RP1: variants seen among roughly 807,000 people sequenced by gnomAD.
RP1 encodes the protein oxygen-regulated protein 1.
A neutral mutation model predicts 14.8 loss-of-function variants in RP1; 16 were observed. That is an observed-to-expected ratio of 1.08 (90% confidence interval 0.73 to 1.65). RP1 has a LOEUF of 1.65. RP1 is among the 40% of genes most tolerant of loss of function. The pLI, the probability that RP1 is intolerant of heterozygous loss-of-function variation, is 0.00. For synonymous variants in RP1, 876 were observed against 883.6 expected, an observed-to-expected ratio of 0.99 and a Z score of 0.15; for missense variants, 2,631 against 2,535.0, an observed-to-expected ratio of 1.04 and a Z score of -0.81.
chr8:54,834,675 G>T (rs1252245764), intron 24 of RP1, among the ~76,000 whole-genome samples: 1 of 146,736 alleles, frequency 6.8e-6, no homozygotes, highest in Non-Finnish European at 1.5e-5. Context: ...TGCTTTGGGA[G>T]TTTTTTTTTT....
intron 1 of RP1, among the ~76,000 whole-genome samples, chr8:54,566,820 G>A (rs1230142895): frequency 6.6e-6 from 1 of 152,182 alleles, no homozygotes; most frequent in Non-Finnish European, 1.5e-5. Flanking sequence ...TATTCACAAA[G>A]GGCTCAAACC....
chr8:54,839,924 A>G (rs1811750509), intron 25 of RP1, among the ~76,000 whole-genome samples: 1 of 152,216 alleles, frequency 6.6e-6, no homozygotes, highest in Admixed American at 6.5e-5. Flanking sequence ...ATTTCATTTA[A>G]CACATCATAA....
chr8:54,737,102 T>A (rs1808951700), intron 18 of RP1, among the ~76,000 whole-genome samples: 1 of 152,176 alleles, frequency 6.6e-6, no homozygotes, highest in African/African-American at 2.4e-5. Context: ...TGTGGGATAT[T>A]TTATTAAACT....
Position 54,629,806 on chromosome 8 carries a change from G to C in RP1, c.5924G>C (p.Ser1975Thr), listed in dbSNP as rs968823283. 6.2e-7 allele frequency: 1 copy of C among 1,612,174 alleles called. No individual in the cohort carries two copies. The highest frequency in any genetic ancestry group is 8.5e-7 in the Non-Finnish European group (1 of 1,179,220). Residue 1975 changes from serine (S) to threonine (T), a missense_variant, in exon 4 of 4, where the codon AGT becomes ACT. Coordinates refer to ENST00000220676, the MANE Select transcript of RP1 (RefSeq NM_006269.2). Reference sequence around the variant, plus strand: ...TTCAGGGAAGAGAACAATAAAGCAAGTATGAGACAAAATCTTATTGATAAT... The same window carrying C: ...TTCAGGGAAGAGAACAATAAAGCAACTATGAGACAAAATCTTATTGATAAT... ...NVFREENNKA[S>T]MRQNLIDNAI...
rs764465585 is a variant in RP1, at chr8:54,621,507, G to A, written c.541G>A (p.Glu181Lys). Reference protein sequence around the residue: ...LLSRRVTQSFEAFLQHLTEVM... With the variant: ...LLSRRVTQSFKAFLQHLTEVM... ...GAGCAGGAGGGTCACCCAGAGCTTC[G>A]AGGCATTTCTACAGCACCTGACAGA... Residue 181 changes from glutamate to lysine, a missense_variant, in exon 2 of 4, where the codon GAG (glutamate) becomes AAG (lysine). Glu to Lys is a moderately conservative substitution (Grantham distance 56). Transcript: ENST00000220676. 6.2e-7 allele frequency: 1 copy of A among 1,614,150 alleles called. No homozygotes were observed. Among genetic ancestry groups the A allele is most frequent in the South Asian group, 1.1e-5 (1 of 91,078 alleles).
At chr8:54,832,538 A>T (rs12681720) in intron 24 of RP1, among the ~76,000 whole-genome samples, 45,153 of 151,466 alleles carry the variant, frequency 0.3, 6,998 homozygotes, top group South Asian at 0.37. Flanking sequence ...TTTCCTGTAG[A>T]TTATATGGCA....
chr8:54,728,070 T>G (rs1327226711), intron 17 of RP1, among the ~76,000 whole-genome samples: 1 of 152,058 alleles, frequency 6.6e-6, no homozygotes, highest in Non-Finnish European at 1.5e-5. Flanking sequence ...ATGATGAAGC[T>G]CCTCTAAGGC....
chr8:54,793,521 A>G (rs563442533), intron 24 of RP1, among the ~76,000 whole-genome samples: 2 of 152,016 alleles, frequency 1.3e-5, no homozygotes, highest in Non-Finnish European at 2.9e-5. Flanking sequence ...GGATGGTTCA[A>G]TATGTACAAA....
At chr8:54,741,254 C>T (rs562414303) in intron 19 of RP1, among the ~76,000 whole-genome samples, 1 of 152,184 alleles carries the variant, frequency 6.6e-6, no homozygotes, top group East Asian at 1.9e-4. Context: ...CAGTAGTGTA[C>T]AATAATGTCC....
intron 19 of RP1, among the ~76,000 whole-genome samples, chr8:54,742,999 G>A (rs1007315701): frequency 6.6e-6 from 1 of 152,186 alleles, no homozygotes; most frequent in African/African-American, 2.4e-5. Flanking sequence ...CTTCTGTGAA[G>A]AGTAAAGTGG....
downstream of RP1, among the ~76,000 whole-genome samples, chr8:54,773,306 C>T (rs535040900): frequency 7.9e-5 from 12 of 152,080 alleles, no homozygotes; most frequent in East Asian, 3.9e-4. Context: ...GTAATTTATC[C>T]GGTATCTCAT....
At chr8:54,743,794 T>G (rs1809156003) in intron 19 of RP1, among the ~76,000 whole-genome samples, 1 of 152,124 alleles carries the variant, frequency 6.6e-6, no homozygotes, top group African/African-American at 2.4e-5. Flanking sequence ...ACACCAGTAT[T>G]TACGTGAGCA....
rs368455444 is a variant in RP1 at position 54,831,401 on chromosome 8, CTT to C, written c.3616-6032_3616-6031del. On this transcript the variant is annotated intron_variant, in intron 24 of 28. Transcript: ENST00000637698. ...TCTTTTTTGGGATAACCTATTGTTT[CTT>C]TTTTTTTTTTTTTTTTAACATTCAA... Among the ~76,000 whole-genome samples the C allele has an allele frequency of 5.3e-3, 547 of 102,692 alleles. 4 individuals carry two copies. The highest frequency in any genetic ancestry group is 0.019 in the African/African-American group (500 of 26,686). 67.4% of individuals were successfully genotyped at this position (102,692 alleles called of 152,430 possible). A position where few individuals can be genotyped will look rare whatever the true frequency, so the allele number is the denominator to read the frequency against.
Position 54,806,111 on chromosome 8 carries a change from C to T in RP1, c.3615+22401C>T, listed in dbSNP as rs989622188. Among the ~76,000 whole-genome samples the T allele has an allele frequency of 4.6e-5, 7 of 152,094 alleles. No individual in the cohort carries two copies. The East Asian group carries it at 5.8e-4, about 13-fold the overall frequency. On this transcript the variant is annotated intron_variant, in intron 24 of 28. Coordinates refer to the RP1 transcript ENST00000637698. The stretch of plus-strand genomic sequence containing the variant: ...TCGGCTCACTGCAACCTTCGCCTCC[C>T]GGATTCAAGGGATGCTCCTGCCTCA...
chr8:54,718,873 T>C lies in RP1; in HGVS notation c.2212-1256T>C, dbSNP rs143306292. Among the ~76,000 whole-genome samples the C allele has an allele frequency of 9.2e-3, 1,396 of 152,238 alleles. 12 individuals carry two copies. Among genetic ancestry groups the C allele is most frequent in the Middle Eastern group, 0.037 (11 of 294 alleles). On this transcript the variant is annotated intron_variant, in intron 15 of 22. Coordinates refer to the RP1 transcript ENST00000636932. Reference sequence around the variant, plus strand: ...GGATAAATAGATGAAGCATAGGGGATCTTTAGGGCAGTACAGTTATTCTGT... The same window carrying C: ...GGATAAATAGATGAAGCATAGGGGACCTTTAGGGCAGTACAGTTATTCTGT...
At chr8:54,792,741 A>G (rs995041418) in intron 24 of RP1, among the ~76,000 whole-genome samples, 2 of 151,938 alleles carry the variant, frequency 1.3e-5, no homozygotes. Flanking sequence ...ATGAAACAAT[A>G]AAGATCTCAA....
At chr8:54,791,801 G>A (rs1275538524) in intron 24 of RP1, among the ~76,000 whole-genome samples, 1 of 151,908 alleles carries the variant, frequency 6.6e-6, no homozygotes, top group African/African-American at 2.4e-5. Flanking sequence ...AAGGAAGAAA[G>A]GAGTAAAGGA....
chr8:54,628,816 C>CT lies in RP1; in HGVS notation c.4941dup (p.Pro1648SerfsTer13), dbSNP rs765725238. ...GGTAAAGCAGATATTATCAAACCAT[C>CT]TTTTTTTCCTGGGTCTACCCGCAAA... On this transcript the variant is annotated frameshift_variant, in exon 4 of 4. Coordinates refer to ENST00000220676, the MANE Select transcript of RP1 (RefSeq NM_006269.2). LOFTEE classifies it low-confidence loss of function (END_TRUNC). 1.9e-6 allele frequency: 3 copies of CT among 1,614,096 alleles called. No homozygotes were observed. Among genetic ancestry groups the CT allele is most frequent in the Non-Finnish European group, 2.5e-6 (3 of 1,179,966 alleles).
chr8:54,854,083 G>A (rs145433020), intron 26 of RP1, among the ~76,000 whole-genome samples: 146 of 152,256 alleles, frequency 9.6e-4, no homozygotes, highest in African/African-American at 3.3e-3. Context: ...TCTTCCTGCT[G>A]TCTAATGGAT....
Sources: allele counts gnomAD v4.1 joint callset (sites outside exome capture counted in the v4.1 genomes callset), GRCh38; gene constraint gnomAD v4.1.1; transcripts MANE v1.5; gene names NCBI Gene and HGNC (gene_info 2026-07-23, HGNC 2026-07-21).